TSC22D2: variants seen among roughly 807,000 people sequenced by gnomAD.
TSC22D2 encodes the protein TSC22 domain family protein 2.
Under a neutral mutation model 50.1 loss-of-function variants are expected in TSC22D2, and 5 were observed. The ratio of observed to expected loss-of-function variants is 0.10; its 90% CI spans 0.05 to 0.21. The LOEUF (loss-of-function observed/expected upper bound fraction) is 0.21, where lower values mean the gene tolerates loss of function less well. Among genes scored for constraint, TSC22D2 ranks in the 10% least tolerant of loss-of-function variants. The pLI, the probability that TSC22D2 is intolerant of heterozygous loss-of-function variation, is 1.00. For missense variants in TSC22D2, 1,003 were observed against 1,015.5 expected (o/e 0.99, Z 0.17); for synonymous variants, 501 against 450.1 (o/e 1.11, Z -1.43).
chr3:150,461,410 AC>A lies in TSC22D2; in HGVS notation c.*2775del, dbSNP rs1285348035. ...GATCCCAATTTGGAGGCACAGTCTT[AC>A]AGGAATGCCATCTATCTAATTCTGT... is the stretch of plus-strand genomic sequence containing the variant. On this transcript the variant is annotated 3_prime_UTR_variant, in exon 3 of 3. Transcript: ENST00000688009. The A allele has an allele frequency of 6.6e-6, 1 of 152,236 alleles. No homozygotes were observed. The highest frequency in any genetic ancestry group is 1.5e-5 in the Non-Finnish European group (1 of 68,046). The allele number at this position is 152,236 out of a possible 1,614,324, so 9.4% of individuals were successfully genotyped here.
At chr3:150,446,743 T>C (rs1313103588) in intron 1 of TSC22D2, among the ~76,000 whole-genome samples, 1 of 152,200 alleles carries the variant, frequency 6.6e-6, no homozygotes, top group African/African-American at 2.4e-5. Context: ...CTTCTGAGTT[T>C]AGCCCTATTT....
intron 1 of TSC22D2, among the ~76,000 whole-genome samples, chr3:150,452,061 T>C (rs1721056825): frequency 6.6e-6 from 1 of 152,174 alleles, no homozygotes; most frequent in South Asian, 2.1e-4. Context: ...TTGCCCAGGC[T>C]GAATTTTTTT....
intron 1 of TSC22D2, among the ~76,000 whole-genome samples, chr3:150,431,643 A>C (rs1422606548): frequency 6.6e-6 from 1 of 152,202 alleles, no homozygotes; most frequent in Non-Finnish European, 1.5e-5. Context: ...GTACTTGCTT[A>C]GCTAGTTTGT....
intron 1 of TSC22D2, among the ~76,000 whole-genome samples, chr3:150,428,368 G>C (rs527278295): frequency 1.3e-5 from 2 of 152,166 alleles, no homozygotes; most frequent in East Asian, 3.9e-4. Flanking sequence ...CTGGTACTTA[G>C]AGGATGAAAG....
rs759852423 is a variant in TSC22D2 at position 150,461,419 on chromosome 3, C to CCAT, written c.*2785_*2787dup. On this transcript the variant is annotated 3_prime_UTR_variant, in exon 3 of 3. Transcript: ENST00000688009. Reference sequence around the variant, plus strand: ...TTGGAGGCACAGTCTTACAGGAATGCCATCTATCTAATTCTGTCAGTGTAA... The same window carrying CCAT: ...TTGGAGGCACAGTCTTACAGGAATGCCATCATCTATCTAATTCTGTCAGTGTAA... The CCAT allele has an allele frequency of 1.3e-4, 20 of 152,288 alleles. No individual in the cohort carries two copies. The highest frequency in any genetic ancestry group is 2.4e-4 in the Non-Finnish European group (16 of 68,028). The allele number at this position is 152,288 out of a possible 1,614,324, so 9.4% of individuals were successfully genotyped here. A position where few individuals can be genotyped will look rare whatever the true frequency, so the allele number is the denominator to read the frequency against.
At chr3:150,445,013 A>G (rs1227360210) in intron 1 of TSC22D2, among the ~76,000 whole-genome samples, 2 of 152,150 alleles carry the variant, frequency 1.3e-5, no homozygotes, top group African/African-American at 2.4e-5. Context: ...CTACTAAAGG[A>G]AGACCTGGGA....
rs1442302773 is a variant in TSC22D2 at position 150,463,009 on chromosome 3, T to TTTCC, written c.*4378_*4381dup. ...CATACTTGAAAGTTTGACTCGGTCTTTTCCTTCCAACAGTTATAAATCTGT... is the reference window on the plus strand; with the variant it reads ...CATACTTGAAAGTTTGACTCGGTCTTTTCCTTCCTTCCAACAGTTATAAATCTGT... On this transcript the variant is annotated 3_prime_UTR_variant, in exon 3 of 3. Transcript: ENST00000688009. 3 of 152,386 alleles carry TTTCC rather than the reference T, an allele frequency of 2.0e-5. No homozygotes were observed. The highest frequency in any genetic ancestry group is 4.4e-5 in the Non-Finnish European group (3 of 68,050). 9.4% of individuals were successfully genotyped at this position (152,386 alleles called of 1,614,324 possible).
Position 150,409,252 on chromosome 3 carries a change from C to A in TSC22D2, c.-99C>A, listed in dbSNP as rs1228020234. 3 of 1,406,860 alleles carry A rather than the reference C, an allele frequency of 2.1e-6. No individual in the cohort carries two copies. Among genetic ancestry groups the A allele is most frequent in the Non-Finnish European group, 9.5e-7 (1 of 1,053,836 alleles). The allele number at this position is 1,406,860 out of a possible 1,614,324, so 87.1% of individuals were successfully genotyped here. ...GGCGGGCCTCAGACCCCAGCGCAGACTCGGACTTTGTCTTTGGGGGCCCGT... is the reference window on the plus strand; with the variant it reads ...GGCGGGCCTCAGACCCCAGCGCAGAATCGGACTTTGTCTTTGGGGGCCCGT... On this transcript the variant is annotated 5_prime_UTR_variant, in exon 1 of 3. Coordinates refer to ENST00000688009, the MANE Select transcript of TSC22D2 (RefSeq NM_001303264.2). This position sits in a 1 kb window ranked among gnomAD's most constrained non-coding sequence, Gnocchi z 7.4.
intron 1 of TSC22D2, among the ~76,000 whole-genome samples, chr3:150,452,677 T>A (rs1721079807): frequency 6.6e-6 from 1 of 152,216 alleles, no homozygotes; most frequent in Non-Finnish European, 1.5e-5. Flanking sequence ...GTAGCATTGA[T>A]ACTCTGAGTT....
At position 150,411,004 on chromosome 3, in the gene TSC22D2, A is replaced by G; in HGVS notation, c.1654A>G (p.Ser552Gly). Reference protein sequence around the residue: ...SSHTPVSRSSSIIQHVGLPLA... With the variant: ...SSHTPVSRSSGIIQHVGLPLA... ...CCATACGCCAGTCAGCAGGAGCAGC[A>G]GCATAATCCAGCATGTTGGGCTGCC... Residue 552 changes from serine (S) to glycine (G), a missense_variant, in exon 1 of 3, where the codon AGC becomes GGC. Physicochemically the swap from Ser to Gly is moderately conservative, Grantham distance 56. This residue lies in a region of TSC22D2 where 696 missense variants were observed against 647.8 expected (regional missense o/e 1.07). Transcript: ENST00000688009. 9 of 1,614,258 alleles carry G rather than the reference A, an allele frequency of 5.6e-6. No homozygotes were observed. Among genetic ancestry groups the G allele is most frequent in the Non-Finnish European group, 7.6e-6 (9 of 1,180,048 alleles).
At chr3:150,414,242 A>C (rs1049390118) in intron 1 of TSC22D2, among the ~76,000 whole-genome samples, 3 of 152,216 alleles carry the variant, frequency 2.0e-5, no homozygotes, top group African/African-American at 7.2e-5. Context: ...TCAGTTGTTG[A>C]GACTCTTCAG....
intron 1 of TSC22D2, among the ~76,000 whole-genome samples, chr3:150,416,874 CAA>C (rs1268102404): frequency 6.6e-6 from 1 of 152,086 alleles, no homozygotes; most frequent in Non-Finnish European, 1.5e-5. Context: ...TTGCTTATCT[CAA>C]ATTTAAAGCC....
At position 150,433,750 on chromosome 3, in the gene TSC22D2, C is replaced by CA. The variant is rs746718533; in HGVS notation, c.1958+22447dup. On this transcript the variant is annotated intron_variant, in intron 1 of 2. Coordinates refer to ENST00000688009, the MANE Select transcript of TSC22D2 (RefSeq NM_001303264.2). ...CAAGAAATAAGAGGTATCAACTCTT[C>CA]AAAAAGCATAATATATTATGGTTTC... is the stretch of plus-strand genomic sequence containing the variant. Among the ~76,000 whole-genome samples the CA allele has an allele frequency of 1.2e-4, 19 of 152,290 alleles. No homozygotes were observed. In the East Asian group the frequency reaches 1.5e-3, roughly 12 times the overall value.
chr3:150,433,361 A>G (rs1720438971), intron 1 of TSC22D2, among the ~76,000 whole-genome samples: 1 of 152,186 alleles, frequency 6.6e-6, no homozygotes, highest in South Asian at 2.1e-4. Flanking sequence ...TGAGAATTTT[A>G]TTTGTAATTT....
At chr3:150,417,141 C>G (rs536779620) in intron 1 of TSC22D2, among the ~76,000 whole-genome samples, 1 of 152,148 alleles carries the variant, frequency 6.6e-6, no homozygotes, top group Admixed American at 6.5e-5. Context: ...TTCCCATAAG[C>G]CTTTCCTAAA....
intron 1 of TSC22D2, among the ~76,000 whole-genome samples, chr3:150,446,620 C>T (rs1365821324): frequency 6.6e-6 from 1 of 152,118 alleles, no homozygotes; most frequent in Non-Finnish European, 1.5e-5. Flanking sequence ...TTCCCCCCAC[C>T]CCCAATATGA....
chr3:150,458,241 G>T, intron 2 of TSC22D2, 135 bp from the exon 3 acceptor site: 1 of 927,596 alleles, frequency 1.1e-6, no homozygotes, highest in African/African-American at 1.7e-5. Context: ...CATAGGCTCG[G>T]TCAAGATAAA....
intron 1 of TSC22D2, among the ~76,000 whole-genome samples, chr3:150,430,505 G>A (rs1720342993): frequency 6.6e-6 from 1 of 152,190 alleles, no homozygotes; most frequent in Non-Finnish European, 1.5e-5. Context: ...CTGAGGGAAT[G>A]CTGGTACTGT....
intron 1 of TSC22D2, among the ~76,000 whole-genome samples, chr3:150,415,963 A>AGCCC: frequency 6.6e-6 from 1 of 152,372 alleles, no homozygotes; most frequent in African/African-American, 2.4e-5. Flanking sequence ...AACAAATAGC[A>AGCCC]GCCCCACCAA....
Sources: gnomAD v4.1 joint callset for allele counts (sites outside exome capture counted in the v4.1 genomes callset) on GRCh38, gnomAD v4.1.1 for gene constraint, gnomAD v4.1.1 regional missense constraint, Gnocchi (gnomAD v3.1) non-coding constraint, MANE v1.5 for transcripts, NCBI Gene and HGNC (gene_info 2026-07-23, HGNC 2026-07-21) for gene names.